PDGFRA: variants seen among roughly 807,000 people sequenced by gnomAD.
PDGFRA encodes platelet derived growth factor receptor alpha, also known as platelet-derived growth factor receptor alpha.
PDGFRA carries 25 observed loss-of-function variants against 121.5 expected under a neutral mutation model. The observed-to-expected ratio is 0.21, with a 90% CI of 0.15 to 0.29. PDGFRA has a LOEUF of 0.29. PDGFRA is among the 10% of genes least tolerant of loss of function. The pLI, the probability that PDGFRA is intolerant of heterozygous loss-of-function variation, is 1.00. For synonymous variants in PDGFRA, 463 were observed against 494.8 expected, an observed-to-expected ratio of 0.94 and a Z score of 0.85; for missense variants, 1,008 against 1,345.1, an observed-to-expected ratio of 0.75 and a Z score of 3.92.
chr4:54,258,599 C>T (rs942109473), intron 1 of PDGFRA, among the ~76,000 whole-genome samples, 158 bp from the exon 2 acceptor site: 1 of 152,162 alleles, frequency 6.6e-6, no homozygotes, highest in African/African-American at 2.4e-5. Context: ...TTTCATCTTT[C>T]AGGCGTCTTA....
At position 54,270,632 on chromosome 4, in the gene PDGFRA, G is replaced by T; in HGVS notation, c.1122-1G>T. On this transcript the variant is annotated splice_acceptor_variant, in intron 7 of 22. Transcript: ENST00000257290. LOFTEE classifies it high-confidence loss of function. ...TTGAAACAAAATCCTTTTTTTAAAA[G>T]GTATCGAAGCAAATTAAAGCTGATC... is the stretch of plus-strand genomic sequence containing the variant. 6.4e-7 allele frequency: 1 copy of T among 1,559,874 alleles called. No homozygotes were observed. The highest frequency in any genetic ancestry group is 8.8e-7 in the Non-Finnish European group (1 of 1,131,134).
At chr4:54,258,690 A>G in intron 1 of PDGFRA, 67 bp from the exon 2 acceptor site, 1 of 954,436 alleles carries the variant, frequency 1.0e-6, no homozygotes, top group East Asian at 2.4e-5. Context: ...CAAAACACAA[A>G]GAGAACTAGG....
At position 54,273,662 on chromosome 4, in the gene PDGFRA, T is replaced by C. The variant is rs1577724495; in HGVS notation, c.1490T>C (p.Ile497Thr). 1 of 1,613,904 alleles carries C rather than the reference T, an allele frequency of 6.2e-7. No individual in the cohort carries two copies. The highest frequency in any genetic ancestry group is 8.5e-7 in the Non-Finnish European group (1 of 1,180,014). The change falls in exon 10 of 23, where the codon ATC becomes ACC. Residue 497 changes from isoleucine to threonine, a missense_variant. Around this residue, in one of 5 missense-constraint regions of PDGFRA, gnomAD observed 575 missense variants for 701.8 expected, o/e 0.82. Coordinates refer to ENST00000257290, the MANE Select transcript of PDGFRA (RefSeq NM_006206.6). ...RVTFAKVEET[I>T]AVRCLAKNLL... is the part of the protein sequence containing the mutation. ...ACTTTCGCCAAAGTGGAGGAGACCA[T>C]CGCCGTGCGATGCCTGGCTAAGAAT...
rs73820705 is a variant in PDGFRA, at chr4:54,262,505, G to C, written c.367+1093G>C. Among the ~76,000 whole-genome samples the C allele has an allele frequency of 9.8e-3, 1,490 of 152,202 alleles. 28 individuals carry two copies. Among genetic ancestry groups the C allele is most frequent in the African/African-American group, 0.034 (1,421 of 41,516 alleles). On this transcript the variant is annotated intron_variant, in intron 3 of 22. Transcript: ENST00000257290. ...AAAACCTAAACTGTTTATGATTCTT[G>C]CCATCCTTGCTGTTTTGGCATAGGT...
Position 54,288,598 on chromosome 4 carries a change from C to G in PDGFRA, c.2675-201C>G, listed in dbSNP as rs549391362. Reference sequence around the variant, plus strand: ...TTTTTGTGATGGTACTTGGACTTGACCAACCTGGAGTCCTAATTAAACTTA... The same window carrying G: ...TTTTTGTGATGGTACTTGGACTTGAGCAACCTGGAGTCCTAATTAAACTTA... On this transcript the variant is annotated intron_variant, in intron 19 of 22. Transcript: ENST00000257290. 2.0e-5 allele frequency among the ~76,000 whole-genome samples: 3 copies of G among 152,226 alleles called. No homozygotes were observed. In the South Asian group the frequency reaches 6.2e-4, roughly 32 times the overall value.
chr4:54,293,811 G>A (rs1724746347), intron 22 of PDGFRA, among the ~76,000 whole-genome samples: 1 of 152,040 alleles, frequency 6.6e-6, no homozygotes, highest in Non-Finnish European at 1.5e-5. Flanking sequence ...TCAGATGGAG[G>A]AGACCATGCC....
intron 8 of PDGFRA, among the ~76,000 whole-genome samples, chr4:54,271,729 C>T (rs1463142571): frequency 8.1e-5 from 12 of 147,920 alleles, no homozygotes; most frequent in South Asian, 2.2e-4. Context: ...TTCTTTCCTT[C>T]CTTCCTTCCT....
chr4:54,259,705 C>T (rs1379652382), intron 2 of PDGFRA, among the ~76,000 whole-genome samples: 1 of 152,152 alleles, frequency 6.6e-6, no homozygotes, highest in Non-Finnish European at 1.5e-5. Context: ...TTCTAAGCTC[C>T]ACTAAGTATA....
chr4:54,245,342 C>G (rs1177375751), intron 1 of PDGFRA, among the ~76,000 whole-genome samples: 2 of 152,126 alleles, frequency 1.3e-5, no homozygotes, highest in African/African-American at 2.4e-5. Flanking sequence ...AAAGGGAAGC[C>G]CATCAGACTA....
chr4:54,267,294 C>A lies in PDGFRA; in HGVS notation c.765C>A (p.Gly255=), dbSNP rs1177754005. Residue 255 remains glycine (G), a synonymous_variant, in exon 6 of 23, where the codon GGC becomes GGA. Coordinates refer to ENST00000257290, the MANE Select transcript of PDGFRA (RefSeq NM_006206.6). ...LQWTYPGEVK[G]KGITMLEEIK... is the part of the protein sequence containing the mutation. ...TTCTTCCCCTTTTGCTGTAGAAAGG[C>A]AAAGGCATCACAATGCTGGAAGAAA... is the stretch of plus-strand genomic sequence containing the variant. 6.2e-7 allele frequency: 1 copy of A among 1,614,116 alleles called. No individual in the cohort carries two copies. The highest frequency in any genetic ancestry group is 1.1e-5 in the South Asian group (1 of 91,076).
chr4:54,264,236 A>C, intron 4 of PDGFRA: 1 of 485,680 alleles, frequency 2.1e-6, no homozygotes, highest in Non-Finnish European at 3.6e-6. Flanking sequence ...GGCCCTAAAA[A>C]CAAACATACA....
chr4:54,294,981 C>T (rs2110358113), intron 22 of PDGFRA, 144 bp from the exon 23 acceptor site: 1 of 799,884 alleles, frequency 1.3e-6, no homozygotes, highest in Non-Finnish European at 2.1e-6. Flanking sequence ...CCTACCACAG[C>T]ATGTCAGGCC....
At position 54,280,665 on chromosome 4, in the gene PDGFRA, A is replaced by G. The variant is rs1577735441; in HGVS notation, c.2323+183A>G. ...TCCAGGTTTGTGGCCTGTAAATTGA[A>G]AAGAATAAAAGCTGACAATGTAACA... On this transcript the variant is annotated intron_variant, in intron 16 of 22. Transcript: ENST00000257290. 7.6e-6 allele frequency: 4 copies of G among 527,062 alleles called. No homozygotes were observed. In the South Asian group the frequency reaches 8.5e-5, roughly 11 times the overall value. The allele number at this position is 527,062 out of a possible 1,614,324, so 32.6% of individuals were successfully genotyped here.
intron 10 of PDGFRA, 89 bp from the exon 11 acceptor site, chr4:54,274,442 C>T: frequency 2.1e-6 from 2 of 933,054 alleles, no homozygotes; most frequent in Non-Finnish European, 3.5e-6. Context: ...GTGAGAGATT[C>T]CTGGCTCAGA....
intron 1 of PDGFRA, among the ~76,000 whole-genome samples, chr4:54,231,211 G>A (rs889988566): frequency 1.3e-5 from 2 of 152,206 alleles, no homozygotes; most frequent in Non-Finnish European, 2.9e-5. Context: ...CATCTTCCTG[G>A]GTGGGAGGCA....
At chr4:54,265,577 A>G (rs1271958355) in intron 5 of PDGFRA, among the ~76,000 whole-genome samples, 3 of 152,120 alleles carry the variant, frequency 2.0e-5, no homozygotes, top group Admixed American at 2.0e-4. Context: ...TTATGATGTA[A>G]TCATTCAGCA....
chr4:54,284,687 T>C (rs1724229541), intron 16 of PDGFRA, among the ~76,000 whole-genome samples: 1 of 151,946 alleles, frequency 6.6e-6, no homozygotes, highest in African/African-American at 2.4e-5. Flanking sequence ...AAACCATTTG[T>C]GAGAAATTCA....
At chr4:54,270,793 T>G in intron 8 of PDGFRA, 45 bp downstream of exon 8, 1 of 1,104,854 alleles carries the variant, frequency 9.1e-7, no homozygotes, top group South Asian at 1.2e-5. Context: ...TGTAGATGAG[T>G]GTCTTCCAAG....
chr4:54,232,492 C>T (rs984325378), intron 1 of PDGFRA, among the ~76,000 whole-genome samples: 4 of 152,238 alleles, frequency 2.6e-5, no homozygotes, highest in African/African-American at 7.2e-5. Flanking sequence ...TTCTCGGCCC[C>T]CGCGAAAGGG....
Sources: allele counts gnomAD v4.1 joint callset (sites outside exome capture counted in the v4.1 genomes callset), GRCh38; gene constraint gnomAD v4.1.1; regional missense constraint gnomAD v4.1.1; transcripts MANE v1.5; gene names NCBI Gene and HGNC (gene_info 2026-07-23, HGNC 2026-07-21).